Variants in PPP2R5A observed in about 807,000 individuals in gnomAD.
PPP2R5A encodes serine/threonine-protein phosphatase 2A 56 kDa regulatory subunit alpha isoform.
A neutral mutation model predicts 64.2 loss-of-function variants in PPP2R5A; 25 were observed. The observed-to-expected ratio is 0.39, with a 90% CI of 0.28 to 0.54. The LOEUF is 0.54. Ranked by LOEUF, PPP2R5A falls within the 20% of genes least tolerant of loss-of-function variation. The pLI is 0.67. For synonymous variants in PPP2R5A, 198 were observed against 201.2 expected (o/e 0.98, Z 0.13); for missense variants, 425 against 576.3 (o/e 0.74, Z 2.69).
chr1:212,335,440 A>T (rs548273950), intron 3 of PPP2R5A, among the ~76,000 whole-genome samples: 1 of 150,682 alleles, frequency 6.6e-6, no homozygotes, highest in African/African-American at 2.4e-5. Context: ...GCGCCATTGC[A>T]CTCCAGCCTG....
intron 1 of PPP2R5A, among the ~76,000 whole-genome samples, chr1:212,289,590 A>G (rs1230982753): frequency 1.3e-5 from 2 of 152,160 alleles, no homozygotes; most frequent in Non-Finnish European, 2.9e-5. Context: ...TCCTGGGTCA[A>G]AGGTAAATTT....
At chr1:212,314,999 G>A (rs1195067699) in intron 1 of PPP2R5A, among the ~76,000 whole-genome samples, 1 of 152,086 alleles carries the variant, frequency 6.6e-6, no homozygotes. Context: ...AAGCCACCAC[G>A]CCCAGCCTAA....
intron 1 of PPP2R5A, among the ~76,000 whole-genome samples, chr1:212,291,119 A>AT (rs1656575726): frequency 6.6e-6 from 1 of 151,128 alleles, no homozygotes; most frequent in South Asian, 2.1e-4. Context: ...ATTTTATTTT[A>AT]TTTTTTTTCA....
At chr1:212,312,296 G>T (rs1317386583) in intron 1 of PPP2R5A, among the ~76,000 whole-genome samples, 1 of 152,200 alleles carries the variant, frequency 6.6e-6, no homozygotes, top group Non-Finnish European at 1.5e-5. Context: ...TGATGAAACT[G>T]CCTGAGGATG....
chr1:212,286,261 G>C lies in PPP2R5A; in HGVS notation c.151G>C (p.Ala51Pro). ...SSQFRSQGSQ[A>P]ELHPLPQLKD... is the part of the protein sequence containing the mutation. ...GCAGTTTCGCAGCCAGGGCAGCCAG[G>C]CAGAGCTGCACCCGCTGCCCCAGCT... Residue 51 changes from alanine (A) to proline (P), a missense_variant, in exon 1 of 13, where the codon GCA becomes CCA. Ala to Pro is a conservative substitution (Grantham distance 27). Around this residue, in one of 4 missense-constraint regions of PPP2R5A, gnomAD observed 104 missense variants for 95.7 expected, o/e 1.09. Transcript: ENST00000261461. The C allele has an allele frequency of 6.5e-7, 1 of 1,540,420 alleles. No homozygotes were observed. The highest frequency in any genetic ancestry group is 1.2e-5 in the South Asian group (1 of 83,420).
chr1:212,357,216 G>A lies in PPP2R5A; in HGVS notation c.1158G>A (p.Glu386=). ...NNEYILSLIE[E]NIDKILPIMF... ...AATATATTCTTAGTTTGATTGAGGA[G>A]AACATTGATAAAATTCTGCCAATTA... The change falls in exon 11 of 13, where the codon GAG becomes GAA. Residue 386 remains glutamate, a synonymous_variant. Coordinates refer to ENST00000261461, the MANE Select transcript of PPP2R5A (RefSeq NM_006243.4). 3 of 1,594,066 alleles carry A rather than the reference G, an allele frequency of 1.9e-6. No homozygotes were observed. Among genetic ancestry groups the A allele is most frequent in the East Asian group, 2.2e-5 (1 of 44,560 alleles).
chr1:212,296,876 T>C (rs1213079592), intron 1 of PPP2R5A, among the ~76,000 whole-genome samples: 1 of 152,206 alleles, frequency 6.6e-6, no homozygotes, highest in African/African-American at 2.4e-5. Flanking sequence ...ATTTTATAGG[T>C]GAAGAAACCA....
rs777240014 is a variant in PPP2R5A, at chr1:212,356,690, A to C, written c.978+14A>C. ...AGTCAGAAAGAGGTGGGTTTTGTTC[A>C]CTAAATGTAGTGCATTTTACTAGAA... On this transcript the variant is annotated intron_variant, in intron 9 of 12. Transcript: ENST00000261461. 1.2e-6 allele frequency: 2 copies of C among 1,611,332 alleles called. No homozygotes were observed. Among genetic ancestry groups the C allele is most frequent in the Admixed American group, 1.7e-5 (1 of 59,550 alleles).
intron 3 of PPP2R5A, among the ~76,000 whole-genome samples, chr1:212,335,123 T>G (rs1002816475): frequency 6.6e-6 from 1 of 151,480 alleles, no homozygotes; most frequent in Non-Finnish European, 1.5e-5. Context: ...AATTTGCTGA[T>G]TTTTTTTTAA....
chr1:212,312,438 G>A (rs549634422), intron 1 of PPP2R5A, among the ~76,000 whole-genome samples: 2 of 152,256 alleles, frequency 1.3e-5, no homozygotes, highest in Admixed American at 1.3e-4. Context: ...GACCATTTCA[G>A]AGGCTATAAA....
At chr1:212,332,454 G>C (rs1659520175) in intron 2 of PPP2R5A, among the ~76,000 whole-genome samples, 1 of 152,116 alleles carries the variant, frequency 6.6e-6, no homozygotes, top group Non-Finnish European at 1.5e-5. Flanking sequence ...TCTATCCTTT[G>C]CTAGAGAAAA....
At chr1:212,350,935 C>G (rs1300166905) in intron 8 of PPP2R5A, among the ~76,000 whole-genome samples, 3 of 145,282 alleles carry the variant, frequency 2.1e-5, no homozygotes, top group Admixed American at 6.9e-5. Context: ...GTCAGGAGTT[C>G]AAGATCAGCC....
intron 1 of PPP2R5A, among the ~76,000 whole-genome samples, chr1:212,299,961 C>T (rs550507547): frequency 2.6e-5 from 4 of 152,094 alleles, no homozygotes; most frequent in South Asian, 2.1e-4. Context: ...TATAGGCTCC[C>T]GCCACCACAG....
intron 1 of PPP2R5A, among the ~76,000 whole-genome samples, chr1:212,325,414 G>A (rs572667088): frequency 6.6e-6 from 1 of 152,102 alleles, no homozygotes; most frequent in Non-Finnish European, 1.5e-5. Context: ...ACAAAGACAC[G>A]GCCTTCAGAG....
chr1:212,288,039 A>T (rs753868544), intron 1 of PPP2R5A, among the ~76,000 whole-genome samples: 2 of 151,942 alleles, frequency 1.3e-5, no homozygotes, highest in African/African-American at 4.8e-5. Flanking sequence ...ATTTTATTTT[A>T]TTTTTTCACT....
chr1:212,295,190 T>G (rs1337497993), intron 1 of PPP2R5A, among the ~76,000 whole-genome samples: 2 of 152,088 alleles, frequency 1.3e-5, no homozygotes, highest in African/African-American at 2.4e-5. Flanking sequence ...GTAACACTAG[T>G]GAGGATACTG....
At chr1:212,316,759 A>G (rs906958735) in intron 1 of PPP2R5A, among the ~76,000 whole-genome samples, 2 of 151,878 alleles carry the variant, frequency 1.3e-5, no homozygotes, top group African/African-American at 2.4e-5. Context: ...ATTAATATGT[A>G]TGGATAAACA....
At chr1:212,321,920 C>G (rs1308262736) in intron 1 of PPP2R5A, among the ~76,000 whole-genome samples, 1 of 151,776 alleles carries the variant, frequency 6.6e-6, no homozygotes, top group Non-Finnish European at 1.5e-5. Context: ...GTGAACGCGA[C>G]TCCGTCTGCC....
At chr1:212,304,702 A>G (rs1658863675) in intron 1 of PPP2R5A, among the ~76,000 whole-genome samples, 2 of 150,930 alleles carry the variant, frequency 1.3e-5, no homozygotes, top group Admixed American at 6.6e-5. Context: ...AACTGAGCTT[A>G]CAGGTACATG....
Sources: allele counts gnomAD v4.1 joint callset (sites outside exome capture counted in the v4.1 genomes callset), GRCh38; gene constraint gnomAD v4.1.1; regional missense constraint gnomAD v4.1.1; transcripts MANE v1.5; gene names NCBI Gene and HGNC (gene_info 2026-07-23, HGNC 2026-07-21).